The following RPS6KA2 variants were observed in gnomAD, a reference collection of about 807,000 sequenced individuals.
RPS6KA2 encodes the protein ribosomal protein S6 kinase alpha-2.
Under a neutral mutation model 91.8 loss-of-function variants are expected in RPS6KA2, and 42 were observed. The observed-to-expected ratio is 0.46, with a 90% CI of 0.36 to 0.59. RPS6KA2 has a LOEUF of 0.59. Ranked by LOEUF, RPS6KA2 falls within the 20% of genes least tolerant of loss-of-function variation. The pLI, the probability that RPS6KA2 is intolerant of heterozygous loss-of-function variation, is 0.00. For missense variants in RPS6KA2, 798 were observed against 978.5 expected (o/e 0.82, Z 2.46); for synonymous variants, 414 against 393.6 (o/e 1.05, Z -0.61).
At chr6:166,655,427 C>A (rs75168339) in intron 2 of RPS6KA2, among the ~76,000 whole-genome samples, 8,567 of 152,214 alleles carry the variant, frequency 0.056, 508 homozygotes, top group African/African-American at 0.14. Context: ...CAAAGTAGTA[C>A]AAACAGGTCA....
At chr6:166,460,922 C>T (rs1241372445) in intron 11 of RPS6KA2, 2 of 152,206 alleles carry the variant, frequency 1.3e-5, no homozygotes, top group East Asian at 1.9e-4. Context: ...CGATGAGGCC[C>T]GACGGGAAGG....
chr6:166,707,970 C>T (rs1030523085), intron 2 of RPS6KA2, among the ~76,000 whole-genome samples: 1 of 152,194 alleles, frequency 6.6e-6, no homozygotes, highest in African/African-American at 2.4e-5. Flanking sequence ...TCTTGAACTG[C>T]TGGCCTTAAG....
Position 166,468,737 on chromosome 6 carries a change from G to A in RPS6KA2, c.972+1104C>T, listed in dbSNP as rs563493246. 2.3e-4 allele frequency among the ~76,000 whole-genome samples: 35 copies of A among 151,956 alleles called. No homozygotes were observed. The South Asian group carries it at 5.6e-3, about 24-fold the overall frequency. On this transcript the variant is annotated intron_variant, in intron 11 of 20. Coordinates refer to ENST00000265678, the MANE Select transcript of RPS6KA2 (RefSeq NM_021135.6). ...AAAATTAGCCGGGCGTGGTGGGGGC[G>A]CCTGTAATCCCAGCTATTCGGGAGG...
At chr6:166,838,942 G>A (rs921134144) in intron 2 of RPS6KA2, among the ~76,000 whole-genome samples, 4 of 152,176 alleles carry the variant, frequency 2.6e-5, no homozygotes, top group Non-Finnish European at 4.4e-5. Flanking sequence ...CATGGAGGTC[G>A]GGATGGATGG....
rs1338843658 is a variant in RPS6KA2, at chr6:166,538,932, GT to G, written c.100-149del. The stretch of plus-strand genomic sequence containing the variant: ...GAAAGTGGAGACACCATTTAGTTGT[GT>G]TTTTTTCTTTTTTTTTTCTTAAGAC... On this transcript the variant is annotated intron_variant, in intron 1 of 20. Coordinates refer to ENST00000265678, the MANE Select transcript of RPS6KA2 (RefSeq NM_021135.6). 11 of 493,068 alleles carry G rather than the reference GT, an allele frequency of 2.2e-5. No homozygotes were observed. The East Asian group carries it at 3.1e-4, about 14-fold the overall frequency. The allele number at this position is 493,068 out of a possible 1,614,324, so 30.5% of individuals were successfully genotyped here.
chr6:166,519,585 A>G (rs954737336), intron 3 of RPS6KA2, among the ~76,000 whole-genome samples: 2 of 152,202 alleles, frequency 1.3e-5, no homozygotes, highest in African/African-American at 2.4e-5. Flanking sequence ...CATGGCCCCA[A>G]GACAATCCCT....
At chr6:166,736,100 C>CAT (rs1349854839) in intron 2 of RPS6KA2, among the ~76,000 whole-genome samples, 1 of 152,200 alleles carries the variant, frequency 6.6e-6, no homozygotes, top group Admixed American at 6.5e-5. Flanking sequence ...TAAGGCTGAA[C>CAT]ATATACAAGT....
At chr6:166,465,367 G>GGTT (rs1378629186) in intron 11 of RPS6KA2, 4 of 152,190 alleles carry the variant, frequency 2.6e-5, no homozygotes, top group Non-Finnish European at 5.9e-5. Flanking sequence ...CTGAAGAATG[G>GGTT]GTTGATGGCT....
chr6:166,702,548 C>T, intron 2 of RPS6KA2: 1 of 1,436,336 alleles, frequency 7.0e-7, no homozygotes, highest in South Asian at 1.1e-5. Context: ...AGTCAACTAT[C>T]CAGCACCTCC....
chr6:166,504,134 G>A (rs1393594680), intron 6 of RPS6KA2, among the ~76,000 whole-genome samples: 2 of 152,248 alleles, frequency 1.3e-5, no homozygotes, highest in Non-Finnish European at 2.9e-5. Context: ...TGTTTGAGAT[G>A]GTCCCCAGTG....
intron 2 of RPS6KA2, among the ~76,000 whole-genome samples, chr6:166,838,850 T>C: frequency 7.2e-6 from 1 of 138,084 alleles, no homozygotes; most frequent in Non-Finnish European, 1.5e-5. Context: ...AGGACCACCC[T>C]GGATTTTCTA....
At chr6:166,521,945 T>C (rs1312752019) in intron 3 of RPS6KA2, among the ~76,000 whole-genome samples, 1 of 152,170 alleles carries the variant, frequency 6.6e-6, no homozygotes, top group African/African-American at 2.4e-5. Context: ...ATGAGATTAG[T>C]GCCCTTAGAA....
intron 2 of RPS6KA2, among the ~76,000 whole-genome samples, chr6:166,748,506 C>G (rs1791097647): frequency 1.3e-5 from 2 of 151,984 alleles, no homozygotes; most frequent in Admixed American, 1.3e-4. Flanking sequence ...GGGGGCAGAT[C>G]AGCCTCCATG....
intron 2 of RPS6KA2, among the ~76,000 whole-genome samples, chr6:166,802,038 A>C (rs1779379769): frequency 6.6e-6 from 1 of 152,040 alleles, no homozygotes; most frequent in African/African-American, 2.4e-5. Flanking sequence ...CAGGCGGATC[A>C]TGAGGTCAGG....
chr6:166,566,754 CG>C (rs1562583989), intron 1 of RPS6KA2, among the ~76,000 whole-genome samples: 1 of 152,158 alleles, frequency 6.6e-6, no homozygotes, highest in Non-Finnish European at 1.5e-5. Context: ...GCTAGAGGGG[CG>C]GGGATGAGCT....
At chr6:166,814,105 G>A (rs188761282) in intron 2 of RPS6KA2, among the ~76,000 whole-genome samples, 4 of 152,198 alleles carry the variant, frequency 2.6e-5, no homozygotes, top group South Asian at 2.1e-4. Flanking sequence ...TCAAAGATAC[G>A]TATGGTTTTA....
In RPS6KA2 at chr6:166,548,291, C is replaced by T. The variant is rs1783892287; in HGVS notation, c.100-9507G>A. Among the ~76,000 whole-genome samples, 3 of 152,178 alleles carry T rather than the reference C, an allele frequency of 2.0e-5. No individual in the cohort carries two copies. In the South Asian group the frequency reaches 6.2e-4, roughly 31 times the overall value. Reference sequence around the variant, plus strand: ...AGATGTTAAGTGTTCACAAATGCACCTGTAGGTATAATCTCCCATCAAAAT... The same window carrying T: ...AGATGTTAAGTGTTCACAAATGCACTTGTAGGTATAATCTCCCATCAAAAT... On this transcript the variant is annotated intron_variant, in intron 1 of 20. Coordinates refer to ENST00000265678, the MANE Select transcript of RPS6KA2 (RefSeq NM_021135.6).
At chr6:166,834,604 A>G (rs1157097853) in intron 2 of RPS6KA2, among the ~76,000 whole-genome samples, 1 of 152,146 alleles carries the variant, frequency 6.6e-6, no homozygotes, top group Admixed American at 6.5e-5. Flanking sequence ...GCAGCCCTGA[A>G]CCTAAAGTAA....
chr6:166,541,058 G>A (rs1328664111), intron 1 of RPS6KA2, among the ~76,000 whole-genome samples: 4 of 152,160 alleles, frequency 2.6e-5, no homozygotes, highest in African/African-American at 9.7e-5. Flanking sequence ...TCTACCTACA[G>A]GACTAGCACG....
Sources: gnomAD v4.1 joint callset for allele counts (sites outside exome capture counted in the v4.1 genomes callset) on GRCh38, gnomAD v4.1.1 for gene constraint, MANE v1.5 for transcripts, NCBI Gene and HGNC (gene_info 2026-07-23, HGNC 2026-07-21) for gene names.